Variants in PSMB3 observed in about 807,000 individuals in gnomAD.
PSMB3 encodes the protein proteasome 20S subunit beta 3.
In PSMB3, 5 loss-of-function variants were observed where a neutral mutation model predicts 23.3. That is an observed-to-expected ratio of 0.21 (90% CI 0.11 to 0.45). The LOEUF is 0.45. Ranked by LOEUF, PSMB3 falls within the 20% of genes least tolerant of loss-of-function variation. The probability of loss-of-function intolerance (pLI) is 0.99; values close to 1 mark genes in which losing one functional copy is unlikely to be tolerated. For synonymous variants in PSMB3, 85 were observed against 99.8 expected, an observed-to-expected ratio of 0.85 and a Z score of 0.88; for missense variants, 192 against 277.9, an observed-to-expected ratio of 0.69 and a Z score of 2.20.
chr17:38,755,714 G>GCA (rs1908165204), intron 2 of PSMB3, among the ~76,000 whole-genome samples, 169 bp from the exon 3 acceptor site: 5 of 135,034 alleles, frequency 3.7e-5, no homozygotes, highest in South Asian at 4.8e-4. Flanking sequence ...GTGTGTGTGT[G>GCA]TGCTGCCAAA....
intron 4 of PSMB3, among the ~76,000 whole-genome samples, chr17:38,761,072 G>A (rs771008133): frequency 2.5e-4 from 38 of 151,204 alleles, no homozygotes; most frequent in Admixed American, 2.2e-3. Flanking sequence ...TGAGGAAGCC[G>A]GGCGCGGTGG....
intron 5 of PSMB3, 23 bp from the exon 6 acceptor site, chr17:38,764,096 C>G: frequency 6.2e-7 from 1 of 1,614,088 alleles, no homozygotes; most frequent in Non-Finnish European, 8.5e-7. Context: ...GAGATGTTTT[C>G]TTGTGATTTT....
intron 5 of PSMB3, among the ~76,000 whole-genome samples, chr17:38,763,475 G>C (rs1408356311): frequency 6.7e-6 from 1 of 150,088 alleles, no homozygotes; most frequent in Non-Finnish European, 1.5e-5. Context: ...TTGTTCTCTA[G>C]GCTTGGAGGA....
intron 2 of PSMB3, 35 bp from the exon 3 acceptor site, chr17:38,755,845 CAAT>C (rs778481429): frequency 1.3e-6 from 2 of 1,545,548 alleles, no homozygotes; most frequent in African/African-American, 2.7e-5. Context: ...CAGGAATATT[CAAT>C]AATGACTTAC....
chr17:38,756,683 A>G (rs1466234368), intron 3 of PSMB3, among the ~76,000 whole-genome samples: 1 of 151,828 alleles, frequency 6.6e-6, no homozygotes, highest in Non-Finnish European at 1.5e-5. Flanking sequence ...TTCAGTAGAG[A>G]CAGAGTTTCA....
rs183643373 is a variant in PSMB3 at position 38,757,698 on chromosome 17, C to A, written c.296+1708C>A. 6.0e-4 allele frequency among the ~76,000 whole-genome samples: 91 copies of A among 152,266 alleles called. 1 individual carries two copies. The East Asian group carries it at 0.012, about 20-fold the overall frequency. Reference sequence around the variant, plus strand: ...GGCGTGGTGGCACACACCGGTAATCCCAGCTACTTGGGAAGCTGAGGCAGG... The same window carrying A: ...GGCGTGGTGGCACACACCGGTAATCACAGCTACTTGGGAAGCTGAGGCAGG... On this transcript the variant is annotated intron_variant, in intron 3 of 5. Coordinates refer to ENST00000619426, the MANE Select transcript of PSMB3 (RefSeq NM_002795.4).
chr17:38,760,997 C>T (rs1485117584), intron 4 of PSMB3, among the ~76,000 whole-genome samples: 1 of 152,200 alleles, frequency 6.6e-6, no homozygotes, highest in Admixed American at 6.5e-5. Context: ...AAGCCAGTTT[C>T]CCTCTCTGCC....
Position 38,755,958 on chromosome 17 carries a change from G to A in PSMB3, c.264G>A (p.Met88Ile). The A allele has an allele frequency of 1.2e-6, 2 of 1,614,104 alleles. No homozygotes were observed. Among genetic ancestry groups the A allele is most frequent in the Non-Finnish European group, 8.5e-7 (1 of 1,180,004 alleles). ...EGRQIKPYTLMSMVANLLYEK... is the reference protein window; with the variant it reads ...EGRQIKPYTLISMVANLLYEK... ...GGCAGATCAAACCTTATACCCTCAT[G>A]AGCATGGTGGCCAACCTCTTGTATG... The change falls in exon 3 of 6, where the codon ATG becomes ATA. Residue 88 changes from methionine (M) to isoleucine (I), a missense_variant. Met to Ile is a conservative substitution (Grantham distance 10). Coordinates refer to ENST00000619426, the MANE Select transcript of PSMB3 (RefSeq NM_002795.4).
intron 3 of PSMB3, among the ~76,000 whole-genome samples, chr17:38,756,205 T>A (rs1908188949): frequency 6.6e-6 from 1 of 152,246 alleles, no homozygotes; most frequent in South Asian, 2.1e-4. Context: ...ACATAGCAGA[T>A]AAATTTGCAT....
At chr17:38,760,927 A>G (rs1361440552) in intron 4 of PSMB3, among the ~76,000 whole-genome samples, 1 of 152,194 alleles carries the variant, frequency 6.6e-6, no homozygotes, top group African/African-American at 2.4e-5. Flanking sequence ...GAGGCAGCTC[A>G]ACAGGTTGTC....
chr17:38,760,400 T>C (rs1171412453), intron 3 of PSMB3, 31 bp from the exon 4 acceptor site: 2 of 1,608,480 alleles, frequency 1.2e-6, no homozygotes, highest in East Asian at 2.2e-5. Context: ...TCTTGAGTTC[T>C]GGTTTCTCTC....
intron 2 of PSMB3, among the ~76,000 whole-genome samples, chr17:38,753,550 C>T (rs1008561022): frequency 2.0e-5 from 3 of 151,906 alleles, no homozygotes; most frequent in Admixed American, 1.3e-4. Context: ...ATGATCTCAG[C>T]TCACTGCAAC....
intron 3 of PSMB3, among the ~76,000 whole-genome samples, chr17:38,758,504 TAATTTTTA>T (rs1908304645): frequency 6.6e-6 from 1 of 152,086 alleles, no homozygotes; most frequent in Non-Finnish European, 1.5e-5. Flanking sequence ...CATGCCTGGC[TAATTTTTA>T]AATTTTTTTG....
At chr17:38,757,008 C>T (rs1238977811) in intron 3 of PSMB3, among the ~76,000 whole-genome samples, 6 of 140,312 alleles carry the variant, frequency 4.3e-5, no homozygotes, top group Non-Finnish European at 9.1e-5. Flanking sequence ...GCTGGGATTA[C>T]AGGTGTGTGC....
At chr17:38,755,682 A>ATGTGTGTGTGTGTGTG (rs67600372) in intron 2 of PSMB3, among the ~76,000 whole-genome samples, 8 of 90,268 alleles carry the variant, frequency 8.9e-5, no homozygotes, top group South Asian at 4.2e-4. Context: ...ATATATATAT[A>ATGTGTGTGTGTGTGTG]TGTGTGTGTG....
In PSMB3 at chr17:38,760,546, G is replaced by A. The variant is rs886887432; in HGVS notation, c.412G>A (p.Val138Ile). 5 of 1,614,136 alleles carry A rather than the reference G, an allele frequency of 3.1e-6. No homozygotes were observed. The highest frequency in any genetic ancestry group is 4.2e-6 in the Non-Finnish European group (5 of 1,180,050). Residue 138 changes from valine (V) to isoleucine (I), a missense_variant, in exon 4 of 6, where the codon GTC (valine) becomes ATC (isoleucine). By Grantham distance (29) the Val-to-Ile change is conservative. Transcript: ENST00000619426. Reference protein sequence around the residue: ...GCPMVTDDFVVSGTCAEQMYG... With the variant: ...GCPMVTDDFVISGTCAEQMYG... ...CCCCATGGTGACTGATGACTTTGTGGTCAGTGGCACCTGCGCCGAACAAAT... is the reference window on the plus strand; with the variant it reads ...CCCCATGGTGACTGATGACTTTGTGATCAGTGGCACCTGCGCCGAACAAAT...
rs1908181648 is a variant in PSMB3 at position 38,755,971 on chromosome 17, A to G, written c.277A>G (p.Asn93Asp). 1.2e-6 allele frequency: 2 copies of G among 1,613,574 alleles called. No individual in the cohort carries two copies. The change falls in exon 3 of 6, where the codon AAC (asparagine) becomes GAC (aspartate). Residue 93 changes from asparagine (N) to aspartate (D), a missense_variant. By Grantham distance (23) the Asn-to-Asp change is conservative (BLOSUM62 1). Coordinates refer to ENST00000619426, the MANE Select transcript of PSMB3 (RefSeq NM_002795.4). ...TTATACCCTCATGAGCATGGTGGCC[A>G]ACCTCTTGTATGAGAAACGGTGAGT... ...KPYTLMSMVANLLYEKRFGPY... is the reference protein window; with the variant it reads ...KPYTLMSMVADLLYEKRFGPY...
At chr17:38,764,056 A>C in intron 5 of PSMB3, 63 bp from the exon 6 acceptor site, 2 of 1,598,878 alleles carry the variant, frequency 1.3e-6, no homozygotes, top group Non-Finnish European at 1.7e-6. Context: ...GGGCCAGGAG[A>C]GCTAGTCACA....
intron 3 of PSMB3, among the ~76,000 whole-genome samples, chr17:38,757,425 A>G (rs1309035182): frequency 6.6e-6 from 1 of 151,914 alleles, no homozygotes; most frequent in Non-Finnish European, 1.5e-5. Flanking sequence ...AAGCTGAAGC[A>G]TGAGAATTGT....
Sources: gnomAD v4.1 joint callset for allele counts (sites outside exome capture counted in the v4.1 genomes callset) on GRCh38, gnomAD v4.1.1 for gene constraint, MANE v1.5 for transcripts, NCBI Gene and HGNC (gene_info 2026-07-23, HGNC 2026-07-21) for gene names.